The following LNX1 variants were observed in gnomAD, a reference collection of about 807,000 sequenced individuals.
The protein encoded by LNX1 is ligand of numb-protein X 1.
A neutral mutation model predicts 68.4 loss-of-function variants in LNX1; 54 were observed. The observed-to-expected ratio is 0.79, with a 90% CI of 0.63 to 0.99. LNX1 has a LOEUF of 0.99. Among genes scored for constraint, LNX1 ranks in the 50% least tolerant of loss-of-function variants. The pLI, the probability that LNX1 is intolerant of heterozygous loss-of-function variation, is 0.00. For synonymous variants in LNX1, 336 were observed against 350.0 expected (o/e 0.96, Z 0.45); for missense variants, 906 against 926.4 (o/e 0.98, Z 0.29).
chr4:53,485,951 C>T (rs1289508273), intron 6 of LNX1, among the ~76,000 whole-genome samples: 1 of 152,192 alleles, frequency 6.6e-6, no homozygotes, highest in African/African-American at 2.4e-5. Context: ...AGAGGTAAGA[C>T]AGCTTCTCTC....
chr4:53,471,585 C>G (rs1471446874), intron 9 of LNX1, among the ~76,000 whole-genome samples: 1 of 152,026 alleles, frequency 6.6e-6, no homozygotes, highest in Admixed American at 6.6e-5. Context: ...TTTTTGCAAT[C>G]CACTCATCTG....
Position 53,460,937 on chromosome 4 carries a change from A to G in LNX1, c.2157T>C (p.Thr719=). 6.2e-7 allele frequency: 1 copy of G among 1,610,746 alleles called. No homozygotes were observed. The highest frequency in any genetic ancestry group is 8.5e-7 in the Non-Finnish European group (1 of 1,178,614). Residue 719 remains threonine, a synonymous_variant, in exon 11 of 11, where the codon ACT becomes ACC. Transcript: ENST00000263925. ...LKELKGRITL[T]IVSWPGTFL ...AAAAAGTGCCAGGCCAAGAAACAAT[A>G]GTTAGAGTAATTCTTCCTTTAAGTT...
chr4:53,499,745 C>T (rs1725344928), intron 4 of LNX1, among the ~76,000 whole-genome samples: 1 of 152,180 alleles, frequency 6.6e-6, no homozygotes, highest in Non-Finnish European at 1.5e-5. Context: ...AACATCAGTT[C>T]TTTCTACCAG....
chr4:53,472,098 CAAT>C (rs756784897), intron 9 of LNX1, among the ~76,000 whole-genome samples: 2 of 152,148 alleles, frequency 1.3e-5, no homozygotes. Flanking sequence ...AAATTTCCAA[CAAT>C]GATAGACTGG....
At chr4:53,618,410 C>T (rs1404691915), upstream of LNX1, among the ~76,000 whole-genome samples, 3 of 152,168 alleles carry the variant, frequency 2.0e-5, no homozygotes, top group Non-Finnish European at 4.4e-5. Context: ...GGCCCAGAAC[C>T]TTGCTCTTTG....
rs1435893019 is a variant in LNX1 at position 53,476,288 on chromosome 4, ACT to A, written c.1892+463_1892+464del. Among the ~76,000 whole-genome samples the A allele has an allele frequency of 4.6e-5, 7 of 151,998 alleles. No individual in the cohort carries two copies. The East Asian group carries it at 1.4e-3, about 29-fold the overall frequency. On this transcript the variant is annotated intron_variant, in intron 9 of 10. Coordinates refer to ENST00000263925, the MANE Select transcript of LNX1 (RefSeq NM_001126328.3). Reference sequence around the variant, plus strand: ...ACTCTAGCCTGGGTGACAGAGCAAGACTCTATATAAAAATAAAATAAAATAAA... The same window carrying A: ...ACTCTAGCCTGGGTGACAGAGCAAGACTATATAAAAATAAAATAAAATAAA...
intron 2 of LNX1, among the ~76,000 whole-genome samples, chr4:53,538,468 G>C (rs1456080657): frequency 3.9e-5 from 6 of 152,184 alleles, no homozygotes; most frequent in African/African-American, 1.4e-4. Context: ...CATGAGACTA[G>C]GACCCCTGCT....
chr4:53,522,525 CAG>C (rs375015456), intron 2 of LNX1, among the ~76,000 whole-genome samples: 221 of 152,294 alleles, frequency 1.5e-3, no homozygotes, highest in African/African-American at 4.9e-3. Flanking sequence ...CATATTGACA[CAG>C]AGAGTTGCAT....
chr4:53,609,114 A>C (rs1450442533), intron 2 of LNX1, among the ~76,000 whole-genome samples: 1 of 152,166 alleles, frequency 6.6e-6, no homozygotes, highest in Non-Finnish European at 1.5e-5. Context: ...TCACTCCTAC[A>C]ACTATCTGAT....
intron 1 of LNX1, among the ~76,000 whole-genome samples, chr4:53,641,325 C>T (rs1340894588): frequency 5.3e-5 from 8 of 152,250 alleles, no homozygotes; most frequent in East Asian, 1.9e-4. Context: ...AGATAAGAGG[C>T]GCTCTTCAGA....
Position 53,528,955 on chromosome 4 carries a change from G to C in LNX1, c.381-20728C>G, listed in dbSNP as rs181278340. ...GGGAAGAGGCTACCCATAAAAAAAA[G>C]CCATCACAGAGGAAAGCAGAATAGC... On this transcript the variant is annotated intron_variant, in intron 2 of 10. Transcript: ENST00000263925. 6.1e-4 allele frequency among the ~76,000 whole-genome samples: 93 copies of C among 152,196 alleles called. 2 individuals carry two copies. In the South Asian group the frequency reaches 0.014, roughly 22 times the overall value.
At chr4:53,474,706 C>T (rs1030088816) in intron 9 of LNX1, among the ~76,000 whole-genome samples, 1 of 152,060 alleles carries the variant, frequency 6.6e-6, no homozygotes, top group African/African-American at 2.4e-5. Context: ...GTTGTCTATG[C>T]CGGGATATCA....
chr4:53,652,020 T>TGAGAGAGAGAGAGAGAGAGA (rs397993377), intron 1 of LNX1: 1 of 106,924 alleles, frequency 9.4e-6, no homozygotes, highest in African/African-American at 3.9e-5. Flanking sequence ...TGTGTGTGTG[T>TGAGAGAGAGAGAGAGAGAGA]GAGAGAGAGA....
Position 53,508,133 on chromosome 4 carries a change from C to G in LNX1, c.475G>C (p.Ala159Pro). The G allele has an allele frequency of 6.2e-7, 1 of 1,614,156 alleles. No individual in the cohort carries two copies. Among genetic ancestry groups the G allele is most frequent in the Non-Finnish European group, 8.5e-7 (1 of 1,180,032 alleles). ...PDGCASLTAT[A>P]PSPEVSAAAT... ...GCTGCAGAAACCTCTGGGGAGGGAG[C>G]CGTGGCTGTGAGGCTCGCACAGCCG... is the stretch of plus-strand genomic sequence containing the variant. Residue 159 changes from alanine to proline, a missense_variant, in exon 3 of 11, where the codon GCT becomes CCT. By Grantham distance (27) the Ala-to-Pro change is conservative (BLOSUM62 -1). Transcript: ENST00000263925.
At chr4:53,570,766 G>A (rs996597065) in intron 2 of LNX1, among the ~76,000 whole-genome samples, 2 of 151,426 alleles carry the variant, frequency 1.3e-5, no homozygotes, top group South Asian at 2.1e-4. Context: ...GGTGGCTCAC[G>A]CCTGTAATCC....
chr4:53,524,264 G>C (rs1263078662), intron 2 of LNX1: 1 of 152,194 alleles, frequency 6.6e-6, no homozygotes, highest in Admixed American at 6.5e-5. Context: ...GATTTGAAGA[G>C]CTAGTGATGA....
chr4:53,559,409 A>C (rs1001176440), intron 2 of LNX1, among the ~76,000 whole-genome samples: 3 of 152,200 alleles, frequency 2.0e-5, no homozygotes, highest in African/African-American at 7.2e-5. Context: ...AGTAGAAAGA[A>C]GTTAGGTTTG....
chr4:53,515,844 C>T (rs1579450956), intron 2 of LNX1, among the ~76,000 whole-genome samples: 1 of 152,174 alleles, frequency 6.6e-6, no homozygotes, highest in South Asian at 2.1e-4. Context: ...GAAGGGTCTC[C>T]TAAGAAGGCA....
intron 1 of LNX1, 48 bp from the exon 2 acceptor site, chr4:53,574,136 G>A (rs776083798): frequency 1.5e-6 from 2 of 1,303,168 alleles, no homozygotes; most frequent in Non-Finnish European, 1.0e-6. Context: ...CACATGAAAG[G>A]CTTATGCTTA....
Sources: allele counts gnomAD v4.1 joint callset (sites outside exome capture counted in the v4.1 genomes callset), GRCh38; gene constraint gnomAD v4.1.1; transcripts MANE v1.5; gene names NCBI Gene and HGNC (gene_info 2026-07-23, HGNC 2026-07-21).